VPS13C: variants seen among roughly 807,000 people sequenced by gnomAD.
VPS13C encodes the protein vacuolar protein sorting 13 homolog C.
In VPS13C, 358 loss-of-function variants were observed where a neutral mutation model predicts 456.8. That is an observed-to-expected ratio of 0.78 (90% CI 0.72 to 0.86). The LOEUF is 0.86. VPS13C is among the 40% of genes least tolerant of loss of function. The probability of loss-of-function intolerance (pLI) is 0.00; values close to 1 mark genes in which losing one functional copy is unlikely to be tolerated. For missense variants in VPS13C, 4,818 were observed against 4,385.4 expected (o/e 1.10, Z -2.79); for synonymous variants, 1,578 against 1,486.7 (o/e 1.06, Z -1.41).
rs771651249 is a variant in VPS13C, at chr15:61,936,625, A to G, written c.5727T>C (p.Asp1909=). Residue 1909 remains aspartate (D), a synonymous_variant, in exon 48 of 85, where the codon GAT becomes GAC. Transcript: ENST00000644861. ...VQETVRVRKV[D]VSSVPDHLKE... is the part of the protein sequence containing the mutation. ...TGAGATGGTCAGGTACACTTGAAAC[A>G]TCAACTTTTCTCACTCTTACAGTCT... is the stretch of plus-strand genomic sequence containing the variant. The G allele has an allele frequency of 8.2e-6, 13 of 1,586,174 alleles. No homozygotes were observed. The South Asian group carries it at 1.4e-4, about 17-fold the overall frequency.
At chr15:62,001,407 T>C (rs1172612676) in intron 15 of VPS13C, among the ~76,000 whole-genome samples, 1 of 152,214 alleles carries the variant, frequency 6.6e-6, no homozygotes. Context: ...ACATTATGAA[T>C]CATTGCTAGA....
In VPS13C at chr15:62,060,445, T is replaced by A. The variant is rs1263884008; in HGVS notation, c.-71A>T. The A allele has an allele frequency of 9.3e-6, 7 of 754,390 alleles. No individual in the cohort carries two copies. Among genetic ancestry groups the A allele is most frequent in the South Asian group, 4.8e-5 (3 of 62,132 alleles). 46.7% of individuals were successfully genotyped at this position (754,390 alleles called of 1,614,324 possible). ...CGCAGCTGAGGGCTGCGACCAGCGC[T>A]GCAAATGACAGCCCCTCCGGCGCAG... On this transcript the variant is annotated 5_prime_UTR_variant, in exon 1 of 85. Coordinates refer to ENST00000644861, the MANE Select transcript of VPS13C (RefSeq NM_020821.3).
At chr15:61,952,494 G>T (rs2044834573) in intron 38 of VPS13C, among the ~76,000 whole-genome samples, 1 of 152,008 alleles carries the variant, frequency 6.6e-6, no homozygotes, top group Non-Finnish European at 1.5e-5. Flanking sequence ...AAGGTCTTAT[G>T]GACTTTATAT....
intron 16 of VPS13C, among the ~76,000 whole-genome samples, chr15:62,000,359 C>T (rs1286349082): frequency 6.6e-6 from 1 of 151,812 alleles, no homozygotes; most frequent in Non-Finnish European, 1.5e-5. Flanking sequence ...AGCAAGACTC[C>T]ATCTCAAAAA....
At chr15:61,991,640 A>G (rs2046225817) in intron 17 of VPS13C, 33 bp downstream of exon 17, 1 of 1,595,664 alleles carries the variant, frequency 6.3e-7, no homozygotes. Context: ...TTAACTTAAC[A>G]CTGTACAATA....
At chr15:61,945,684 G>C (rs2044580489) in intron 45 of VPS13C, 31 bp downstream of exon 45, 2 of 1,521,092 alleles carry the variant, frequency 1.3e-6, no homozygotes, top group East Asian at 4.6e-5. Flanking sequence ...TTAGGCCTCA[G>C]TGAGGAATAA....
intron 18 of VPS13C, 88 bp downstream of exon 18, chr15:61,990,912 A>T: frequency 1.2e-6 from 1 of 852,944 alleles, no homozygotes; most frequent in Middle Eastern, 2.9e-4. Flanking sequence ...TAACATTTAT[A>T]TTACTTAAAA....
rs1379475026 is a variant in VPS13C, at chr15:62,041,130, T to G, written c.187+194A>C. ...TCAAATAGCCTTCCATTTTCTACCT[T>G]TTGTCATAAAAAAAAGAAGTATGTA... On this transcript the variant is annotated intron_variant, in intron 3 of 84. Transcript: ENST00000644861. Among the ~76,000 whole-genome samples the G allele has an allele frequency of 5.9e-5, 9 of 151,878 alleles. No individual in the cohort carries two copies. The East Asian group carries it at 1.7e-3, about 29-fold the overall frequency.
At chr15:61,964,945 G>T in intron 30 of VPS13C, 84 bp from the exon 31 acceptor site, 1 of 1,302,426 alleles carries the variant, frequency 7.7e-7, no homozygotes, top group South Asian at 1.6e-5. Flanking sequence ...AGATTCTCAG[G>T]TGGGCTTACA....
chr15:61,890,301 C>A lies in VPS13C; in HGVS notation c.9205G>T (p.Ala3069Ser), dbSNP rs1286729439. Residue 3069 changes from alanine (A) to serine (S), a missense_variant, in exon 67 of 85, where the codon GCC becomes TCC. This residue lies in a region of VPS13C where 4,552 missense variants were observed against 4,130.6 expected (regional missense o/e 1.10). Transcript: ENST00000644861. ...QRVLLFTDDV[A>S]LVSKALQAEE... Reference sequence around the variant, plus strand: ...GCCTGCAGTGCTTTGGAAACCAAGGCAACATCATCGGTGAAAAGCAAAACT... The same window carrying A: ...GCCTGCAGTGCTTTGGAAACCAAGGAAACATCATCGGTGAAAAGCAAAACT... 3 of 1,614,028 alleles carry A rather than the reference C, an allele frequency of 1.9e-6. No homozygotes were observed. Among genetic ancestry groups the A allele is most frequent in the Admixed American group, 3.3e-5 (2 of 59,992 alleles).
In VPS13C at chr15:61,896,797, C is replaced by T. The variant is rs543953576; in HGVS notation, c.9106-6397G>A. Among the ~76,000 whole-genome samples, 895 of 152,280 alleles carry T rather than the reference C, an allele frequency of 5.9e-3. 6 individuals are homozygous for T. Among genetic ancestry groups the T allele is most frequent in the African/African-American group, 0.021 (856 of 41,566 alleles). ...CCTCTGTAGGCTCCACCTCTGGGGG[C>T]AGGGCACAGACAAACAAAAAGACAG... On this transcript the variant is annotated intron_variant, in intron 66 of 84. Coordinates refer to ENST00000644861, the MANE Select transcript of VPS13C (RefSeq NM_020821.3).
intron 51 of VPS13C, among the ~76,000 whole-genome samples, chr15:61,928,718 G>A (rs1051681990): frequency 7.2e-5 from 11 of 151,834 alleles, no homozygotes; most frequent in Admixed American, 2.6e-4. Flanking sequence ...CATGTTTACC[G>A]AAAAACAAAA....
chr15:61,951,672 T>C, intron 39 of VPS13C, 152 bp downstream of exon 39: 1 of 683,834 alleles, frequency 1.5e-6, no homozygotes. Context: ...ATGGGTCCCC[T>C]AGAACTGTAC....
At position 62,013,933 on chromosome 15, in the gene VPS13C, C is replaced by T; in HGVS notation, c.744G>A (p.Lys248=). The T allele has an allele frequency of 6.2e-7, 1 of 1,603,898 alleles. No homozygotes were observed. Among genetic ancestry groups the T allele is most frequent in the African/African-American group, 1.3e-5 (1 of 74,472 alleles). The part of the protein sequence containing the change: ...ILNEADKIIY[K]LIRLDSLSAY... ...AAAAATTTTTATTCCAACATAATAC[C>T]TTGTATATAATTTTGTCTGCTTCAT... The change falls in exon 10 of 85, where the codon AAG becomes AAA. Residue 248 remains lysine (K), a splice_region_variant and synonymous_variant. Coordinates refer to ENST00000644861, the MANE Select transcript of VPS13C (RefSeq NM_020821.3).
intron 1 of VPS13C, among the ~76,000 whole-genome samples, chr15:62,053,851 C>T (rs111631263): frequency 0.011 from 1,664 of 152,298 alleles, 15 homozygotes; most frequent in Non-Finnish European, 0.018. Flanking sequence ...GTGGGATAAA[C>T]AGCACGGGTT....
chr15:62,003,449 A>G (rs1406576694), intron 15 of VPS13C, among the ~76,000 whole-genome samples: 1 of 152,102 alleles, frequency 6.6e-6, no homozygotes, highest in Non-Finnish European at 1.5e-5. Flanking sequence ...TAGATATACA[A>G]TCATGTCGTC....
At chr15:61,907,784 C>T (rs943721557) in intron 65 of VPS13C, among the ~76,000 whole-genome samples, 3 of 152,120 alleles carry the variant, frequency 2.0e-5, no homozygotes, top group African/African-American at 7.2e-5. Flanking sequence ...CTCCCTGTTT[C>T]CCAGGCTGGA....
rs948898942 is a variant in VPS13C, at chr15:61,869,537, C to T, written c.10711G>A (p.Val3571Ile). 1.8e-5 allele frequency: 29 copies of T among 1,614,030 alleles called. No individual in the cohort carries two copies. Among genetic ancestry groups the T allele is most frequent in the African/African-American group, 2.7e-5 (2 of 74,926 alleles). ...GAVARPTGGI[V>I]DMASSTFQGI... is the part of the protein sequence containing the mutation. ...TGGAAGGTACTACTGGCCATATCTA[C>T]GATTCCACCAGTTGGACGGGCCACA... The change falls in exon 80 of 85, where the codon GTA (valine) becomes ATA (isoleucine). Residue 3571 changes from valine to isoleucine, a missense_variant. Physicochemically the swap from Val to Ile is conservative, Grantham distance 29 (BLOSUM62 3). This residue lies in a region of VPS13C where 261 missense variants were observed against 234.1 expected (regional missense o/e 1.11). Coordinates refer to ENST00000644861, the MANE Select transcript of VPS13C (RefSeq NM_020821.3).
chr15:62,025,942 C>G (rs1439633861), intron 6 of VPS13C, among the ~76,000 whole-genome samples: 1 of 151,074 alleles, frequency 6.6e-6, no homozygotes, highest in Admixed American at 6.6e-5. Context: ...ATAAAAATAG[C>G]TATATTTTTT....
Sources: gnomAD v4.1 joint callset for allele counts (sites outside exome capture counted in the v4.1 genomes callset) on GRCh38, gnomAD v4.1.1 for gene constraint, gnomAD v4.1.1 regional missense constraint, MANE v1.5 for transcripts, NCBI Gene and HGNC (gene_info 2026-07-23, HGNC 2026-07-21) for gene names.